The following MACROD2 variants were observed in gnomAD, a reference collection of about 807,000 sequenced individuals.
MACROD2 encodes the protein ADP-ribose glycohydrolase MACROD2.
Under a neutral mutation model 70.4 loss-of-function variants are expected in MACROD2, and 36 were observed. The ratio of observed to expected loss-of-function variants is 0.51; its 90% CI spans 0.39 to 0.68. The LOEUF is 0.68. MACROD2 is among the 30% of genes least tolerant of loss of function. The pLI, the probability that MACROD2 is intolerant of heterozygous loss-of-function variation, is 0.00. For synonymous variants in MACROD2, 172 were observed against 178.8 expected (o/e 0.96, Z 0.30); for missense variants, 496 against 538.4 (o/e 0.92, Z 0.78).
At chr20:14,907,424 G>A (rs1304982369) in intron 5 of MACROD2, among the ~76,000 whole-genome samples, 1 of 152,170 alleles carries the variant, frequency 6.6e-6, no homozygotes, top group Non-Finnish European at 1.5e-5. Flanking sequence ...GAACGCTCCT[G>A]AACTAAGCCC....
intron 8 of MACROD2, among the ~76,000 whole-genome samples, chr20:15,695,557 T>A (rs2050356429): frequency 6.6e-6 from 1 of 151,952 alleles, no homozygotes; most frequent in Non-Finnish European, 1.5e-5. Flanking sequence ...ACTACAGGCA[T>A]GTGCTACCAC....
chr20:14,014,653 C>T (rs901501022), intron 2 of MACROD2, among the ~76,000 whole-genome samples: 9 of 152,078 alleles, frequency 5.9e-5, no homozygotes, highest in Admixed American at 5.2e-4. Context: ...GCCATTTTTT[C>T]CTCCTGCAGA....
At chr20:15,681,278 A>G (rs2050156654) in intron 8 of MACROD2, among the ~76,000 whole-genome samples, 2 of 152,194 alleles carry the variant, frequency 1.3e-5, no homozygotes, top group South Asian at 4.1e-4. Context: ...TATCTCTCTT[A>G]CTACCTACCT....
intron 3 of MACROD2, among the ~76,000 whole-genome samples, chr20:14,188,512 G>C (rs983113444): frequency 4.6e-5 from 7 of 152,026 alleles, no homozygotes; most frequent in East Asian, 1.9e-4. Flanking sequence ...AGTTTAAAGA[G>C]AGCATTAGCA....
intron 3 of MACROD2, among the ~76,000 whole-genome samples, chr20:14,274,419 G>C (rs912712934): frequency 5.1e-4 from 78 of 152,260 alleles, no homozygotes; most frequent in Admixed American, 1.8e-3. Flanking sequence ...AATAGATGCA[G>C]AAAAGGCCTT....
At chr20:15,769,049 C>T (rs975191315) in intron 8 of MACROD2, among the ~76,000 whole-genome samples, 16 of 152,200 alleles carry the variant, frequency 1.1e-4, no homozygotes, top group Admixed American at 4.6e-4. Context: ...TACAATTAAC[C>T]TTTTTAATTA....
chr20:14,992,395 C>T (rs1010004479), intron 5 of MACROD2, among the ~76,000 whole-genome samples: 6 of 152,114 alleles, frequency 3.9e-5, no homozygotes, highest in Admixed American at 1.3e-4. Context: ...TAGAAGTAAG[C>T]AGACTTGATT....
chr20:15,732,216 T>C (rs1288367604), intron 8 of MACROD2, among the ~76,000 whole-genome samples: 1 of 151,930 alleles, frequency 6.6e-6, no homozygotes, highest in Non-Finnish European at 1.5e-5. Flanking sequence ...CAGAAATGAC[T>C]AGGATATCTC....
chr20:14,771,235 A>G (rs2072160717), intron 5 of MACROD2, among the ~76,000 whole-genome samples: 1 of 152,030 alleles, frequency 6.6e-6, no homozygotes, highest in African/African-American at 2.4e-5. Context: ...GAACTACACT[A>G]CTAGCTTCCT....
At chr20:16,017,852 C>A (rs751315906) in intron 15 of MACROD2, among the ~76,000 whole-genome samples, 7 of 152,156 alleles carry the variant, frequency 4.6e-5, no homozygotes, top group Non-Finnish European at 1.0e-4. Flanking sequence ...TTCTAAAGAT[C>A]ATGAGATGCA....
At chr20:15,748,329 C>T (rs2051215163) in intron 8 of MACROD2, among the ~76,000 whole-genome samples, 2 of 151,960 alleles carry the variant, frequency 1.3e-5, no homozygotes, top group Admixed American at 6.6e-5. Context: ...TGTCCACAAT[C>T]GCTCAAGAAA....
intron 8 of MACROD2, among the ~76,000 whole-genome samples, chr20:15,675,761 T>C (rs1327095106): frequency 6.6e-6 from 1 of 152,176 alleles, no homozygotes. Context: ...AGAAGTACCA[T>C]TATTTTAAAA....
In MACROD2 at chr20:14,941,717, T is replaced by C. The variant is rs555507851; in HGVS notation, c.418+256758T>C. Among the ~76,000 whole-genome samples, 5 of 152,264 alleles carry C rather than the reference T, an allele frequency of 3.3e-5. No individual in the cohort carries two copies. In the East Asian group the frequency reaches 9.7e-4, roughly 29 times the overall value. ...GAAGCCACCTTGTTTCTAAGCCGCA[T>C]TTTAGAACCAGATGTCAAAGAACTT... On this transcript the variant is annotated intron_variant, in intron 5 of 17. Transcript: ENST00000684519.
intron 8 of MACROD2, among the ~76,000 whole-genome samples, chr20:15,655,268 T>C (rs2049711719): frequency 1.3e-5 from 2 of 152,166 alleles, no homozygotes; most frequent in South Asian, 4.1e-4. Context: ...ATATACCTTT[T>C]GAAAATAGAG....
intron 8 of MACROD2, among the ~76,000 whole-genome samples, chr20:15,770,668 G>A (rs957727970): frequency 1.3e-5 from 2 of 152,060 alleles, no homozygotes; most frequent in African/African-American, 4.8e-5. Flanking sequence ...CTTACAATAA[G>A]GTTTTGTTTT....
intron 5 of MACROD2, among the ~76,000 whole-genome samples, chr20:15,190,705 C>G (rs2076564613): frequency 6.6e-6 from 1 of 152,170 alleles, no homozygotes; most frequent in Non-Finnish European, 1.5e-5. Flanking sequence ...CAGGCCCAGT[C>G]AGCAGGCAAA....
At chr20:14,377,534 G>C (rs1004633202) in intron 3 of MACROD2, among the ~76,000 whole-genome samples, 1 of 152,094 alleles carries the variant, frequency 6.6e-6, no homozygotes, top group Non-Finnish European at 1.5e-5. Flanking sequence ...ATCCCTCTTG[G>C]CTACAAATAC....
At chr20:15,091,186 C>T (rs1305565242) in intron 5 of MACROD2, among the ~76,000 whole-genome samples, 1 of 152,018 alleles carries the variant, frequency 6.6e-6, no homozygotes, top group Non-Finnish European at 1.5e-5. Context: ...ACTTATCTTC[C>T]TTTCCCCACT....
chr20:15,029,857 T>C (rs1480330577), intron 5 of MACROD2, among the ~76,000 whole-genome samples: 1 of 152,022 alleles, frequency 6.6e-6, no homozygotes, highest in Non-Finnish European at 1.5e-5. Flanking sequence ...AATGGGAGGC[T>C]GAGGTGAGCA....
Sources: allele counts gnomAD v4.1 joint callset (sites outside exome capture counted in the v4.1 genomes callset), GRCh38; gene constraint gnomAD v4.1.1; transcripts MANE v1.5; gene names NCBI Gene and HGNC (gene_info 2026-07-23, HGNC 2026-07-21).